MAP2K2: variants seen among roughly 807,000 people sequenced by gnomAD.
The protein encoded by MAP2K2 is mitogen-activated protein kinase kinase 2.
A neutral mutation model predicts 43.7 loss-of-function variants in MAP2K2; 24 were observed. That is an observed-to-expected ratio of 0.55 (90% confidence interval 0.40 to 0.77). The LOEUF is 0.77. Ranked by LOEUF, MAP2K2 falls within the 30% of genes least tolerant of loss-of-function variation. MAP2K2 has a pLI of 0.00. For missense variants in MAP2K2, 470 were observed against 566.8 expected, an observed-to-expected ratio of 0.83 and a Z score of 1.73; for synonymous variants, 244 against 239.7, an observed-to-expected ratio of 1.02 and a Z score of -0.17.
intron 1 of MAP2K2, among the ~76,000 whole-genome samples, chr19:4,118,789 T>G (rs1177586986): frequency 6.6e-6 from 1 of 152,108 alleles, no homozygotes; most frequent in East Asian, 1.9e-4. Flanking sequence ...TTCTACACAA[T>G]AAAAAATTTC....
At chr19:4,103,359 G>A (rs1212327386) in intron 3 of MAP2K2, 1 of 695,658 alleles carries the variant, frequency 1.4e-6, no homozygotes, top group African/African-American at 1.9e-5. Flanking sequence ...CAAAACCCCA[G>A]GCACTGGGAG....
intron 3 of MAP2K2, among the ~76,000 whole-genome samples, chr19:4,105,277 T>C (rs909027735): frequency 2.6e-4 from 40 of 151,612 alleles, no homozygotes; most frequent in Non-Finnish European, 5.2e-4. Context: ...TTTCTTTTTT[T>C]TTTTTTCCTG....
At chr19:4,104,963 G>C (rs1168583640) in intron 3 of MAP2K2, among the ~76,000 whole-genome samples, 2 of 152,208 alleles carry the variant, frequency 1.3e-5, no homozygotes, top group Admixed American at 6.5e-5. Context: ...CACATCCCCA[G>C]ACAGTGCCAG....
intron 1 of MAP2K2, among the ~76,000 whole-genome samples, chr19:4,119,307 C>T (rs1168431428): frequency 6.6e-6 from 1 of 152,090 alleles, no homozygotes; most frequent in Admixed American, 6.6e-5. Flanking sequence ...CTGCAACCTC[C>T]ACCTCACGGG....
intron 8 of MAP2K2, among the ~76,000 whole-genome samples, chr19:4,096,778 C>G (rs1244215147): frequency 6.6e-6 from 1 of 152,142 alleles, no homozygotes; most frequent in Non-Finnish European, 1.5e-5. Context: ...CAGGCTGGCT[C>G]CTCGGCCTGA....
Position 4,101,396 on chromosome 19 carries a change from C to T in MAP2K2, c.529-116G>A. On this transcript the variant is annotated intron_variant, in intron 4 of 10. Transcript: ENST00000262948. This position sits in a 1 kb window ranked among gnomAD's most constrained non-coding sequence, Gnocchi z 6.3. ...TGGAGCGAGGGAGCTGCGGCAGGAA[C>T]CATTTCAGGCTGTGAGGAGCTCGCT... 1 of 1,179,824 alleles carries T rather than the reference C, an allele frequency of 8.5e-7. No individual in the cohort carries two copies. Among genetic ancestry groups the T allele is most frequent in the Non-Finnish European group, 1.2e-6 (1 of 810,642 alleles). The allele number at this position is 1,179,824 out of a possible 1,614,324, so 73.1% of individuals were successfully genotyped here.
intron 3 of MAP2K2, chr19:4,102,703 A>G (rs1284336024): frequency 3.4e-5 from 40 of 1,180,852 alleles, no homozygotes; most frequent in Non-Finnish European, 4.4e-5. Flanking sequence ...TCCTCGAATC[A>G]GTTGCGTGAC....
chr19:4,096,437 C>A (rs1003408013), intron 8 of MAP2K2, among the ~76,000 whole-genome samples: 7 of 152,226 alleles, frequency 4.6e-5, no homozygotes, highest in African/African-American at 1.7e-4. Context: ...GGTGGCCCGG[C>A]CTGGTCACGT....
intron 1 of MAP2K2, among the ~76,000 whole-genome samples, chr19:4,122,084 G>A (rs1234073698): frequency 9.4e-5 from 12 of 127,004 alleles, no homozygotes; most frequent in Admixed American, 5.8e-4. Flanking sequence ...CAAAAGGACC[G>A]CTCCCCGCCC....
At chr19:4,113,500 C>T (rs73918034) in intron 2 of MAP2K2, among the ~76,000 whole-genome samples, 5,703 of 152,212 alleles carry the variant, frequency 0.037, 360 homozygotes, top group African/African-American at 0.13. Context: ...GATGGGTGTA[C>T]TGCCCCACTG....
At chr19:4,123,761 C>T (rs1322715527) in intron 1 of MAP2K2, 23 bp downstream of exon 1, 1 of 1,522,012 alleles carries the variant, frequency 6.6e-7, no homozygotes, top group Admixed American at 2.0e-5. Flanking sequence ...CCCCAAGCCT[C>T]CGGCTGACCC....
At chr19:4,094,364 G>C (rs560216209) in intron 10 of MAP2K2, 89 bp downstream of exon 10, 2 of 1,409,048 alleles carry the variant, frequency 1.4e-6, no homozygotes, top group South Asian at 2.5e-5. Context: ...CTGGCTCCCC[G>C]GGCAGGGCCA....
intron 2 of MAP2K2, among the ~76,000 whole-genome samples, chr19:4,116,689 G>A (rs531343549): frequency 5.9e-4 from 90 of 151,954 alleles, no homozygotes; most frequent in African/African-American, 2.1e-3. Context: ...TAAATATAGA[G>A]AACCGAGGCA....
intron 1 of MAP2K2, among the ~76,000 whole-genome samples, chr19:4,120,356 C>G (rs938863894): frequency 6.6e-6 from 1 of 152,232 alleles, no homozygotes; most frequent in Non-Finnish European, 1.5e-5. Flanking sequence ...CTCTGTCGCC[C>G]AGGCTGGAGT....
intron 7 of MAP2K2, among the ~76,000 whole-genome samples, chr19:4,097,679 G>A (rs552315020): frequency 1.8e-4 from 28 of 152,350 alleles, no homozygotes; most frequent in East Asian, 1.4e-3. Context: ...GGGAGGGACG[G>A]TGCTGACCGC....
At chr19:4,097,888 G>C (rs953579203) in intron 7 of MAP2K2, among the ~76,000 whole-genome samples, 2 of 143,972 alleles carry the variant, frequency 1.4e-5, no homozygotes, top group African/African-American at 5.0e-5. Context: ...CCCTGGGCTG[G>C]GGATGGTATA....
chr19:4,097,500 T>C (rs2040936688), intron 7 of MAP2K2, among the ~76,000 whole-genome samples, 157 bp from the exon 8 acceptor site: 2 of 152,166 alleles, frequency 1.3e-5, no homozygotes, highest in South Asian at 4.1e-4. Flanking sequence ...AAAGCTCCCC[T>C]GCCTGACTCT....
chr19:4,123,653 T>A, intron 1 of MAP2K2, 131 bp downstream of exon 1: 7 of 132,046 alleles, frequency 5.3e-5, no homozygotes, highest in East Asian at 4.3e-4. Context: ...CGTGCACCAC[T>A]CACCCCGTCC....
intron 6 of MAP2K2, 93 bp downstream of exon 6, chr19:4,100,926 G>A (rs2040997987): frequency 6.9e-7 from 1 of 1,440,028 alleles, no homozygotes; most frequent in Non-Finnish European, 9.5e-7. Flanking sequence ...GGTGAGAGCT[G>A]AGGGGGAGAG....
Sources: allele counts gnomAD v4.1 joint callset (sites outside exome capture counted in the v4.1 genomes callset), GRCh38; gene constraint gnomAD v4.1.1; non-coding constraint Gnocchi (gnomAD v3.1); transcripts MANE v1.5; gene names NCBI Gene and HGNC (gene_info 2026-07-23, HGNC 2026-07-21).